Variants in RCAN3 observed in about 807,000 individuals in gnomAD.
RCAN3 encodes the protein regulator of calcineurin 3, also known as calcipressin-3.
In RCAN3, 19 loss-of-function variants were observed where a neutral mutation model predicts 21.9. That is an observed-to-expected ratio of 0.87 (90% CI 0.61 to 1.27). RCAN3 has a LOEUF of 1.27. Among genes scored for constraint, RCAN3 ranks in the 50% most tolerant of loss-of-function variants. The pLI, the probability that RCAN3 is intolerant of heterozygous loss-of-function variation, is 0.00. For synonymous variants in RCAN3, 114 were observed against 112.3 expected (o/e 1.01, Z -0.09); for missense variants, 240 against 300.1 (o/e 0.80, Z 1.48).
At chr1:24,513,581 C>G (rs1012784254) in intron 1 of RCAN3, among the ~76,000 whole-genome samples, 1 of 151,792 alleles carries the variant, frequency 6.6e-6, no homozygotes, top group African/African-American at 2.4e-5. Context: ...CGCTTGAACC[C>G]GGGAGGCGGA....
intron 4 of RCAN3, among the ~76,000 whole-genome samples, 196 bp downstream of exon 4, chr1:24,533,450 T>A (rs1232825581): frequency 6.6e-6 from 1 of 152,230 alleles, no homozygotes; most frequent in African/African-American, 2.4e-5. Context: ...TCTGAGCTTC[T>A]GCTTTTCCAT....
At chr1:24,517,712 G>C (rs1469865323) in intron 2 of RCAN3, among the ~76,000 whole-genome samples, 3 of 152,154 alleles carry the variant, frequency 2.0e-5, no homozygotes, top group African/African-American at 7.2e-5. Flanking sequence ...CAGAATCAAG[G>C]CCAGATATGA....
Position 24,514,348 on chromosome 1 carries a change from A to G in RCAN3, c.-25A>G. On this transcript the variant is annotated 5_prime_UTR_variant, in exon 2 of 5. Coordinates refer to ENST00000374395, the MANE Select transcript of RCAN3 (RefSeq NM_013441.4). The stretch of plus-strand genomic sequence containing the variant: ...GATAGACATCCTAGGACTATACAGA[A>G]GGAAAAGGCCCACTTTGGGGGATAA... 1 of 1,599,284 alleles carries G rather than the reference A, an allele frequency of 6.3e-7. No homozygotes were observed.
intron 1 of RCAN3, among the ~76,000 whole-genome samples, 163 bp from the exon 2 acceptor site, chr1:24,514,151 C>T (rs1268325565): frequency 1.3e-5 from 2 of 152,114 alleles, no homozygotes; most frequent in African/African-American, 4.8e-5. Flanking sequence ...ATTAGCGTAT[C>T]TAGAATTCAC....
intron 4 of RCAN3, among the ~76,000 whole-genome samples, chr1:24,533,481 T>C (rs974148794): frequency 6.6e-6 from 1 of 152,170 alleles, no homozygotes; most frequent in Non-Finnish European, 1.5e-5. Flanking sequence ...GGGAGAATCA[T>C]ATGCACCATT....
intron 2 of RCAN3, among the ~76,000 whole-genome samples, chr1:24,515,463 T>TGTGC (rs1352127219): frequency 4.8e-4 from 72 of 150,120 alleles, no homozygotes; most frequent in African/African-American, 1.6e-3. Context: ...TGTGTGTGTG[T>TGTGC]GCTTTGTTTT....
intron 2 of RCAN3, among the ~76,000 whole-genome samples, chr1:24,515,427 G>GGTGTGTGT (rs67348372): frequency 0.033 from 4,831 of 146,396 alleles, 272 homozygotes; most frequent in African/African-American, 0.11. Flanking sequence ...TAGAAAGAGA[G>GGTGTGTGT]GTGTGTGTGT....
chr1:24,505,052 A>C (rs1647315475), intron 1 of RCAN3, among the ~76,000 whole-genome samples: 1 of 152,150 alleles, frequency 6.6e-6, no homozygotes, highest in Non-Finnish European at 1.5e-5. Flanking sequence ...CACCCGTTTT[A>C]CTTTACTGTC....
intron 1 of RCAN3, among the ~76,000 whole-genome samples, chr1:24,503,624 TC>T (rs1244129851): frequency 1.3e-5 from 2 of 152,240 alleles, no homozygotes; most frequent in African/African-American, 4.8e-5. Flanking sequence ...TCTGCTTCTG[TC>T]CGCCGCCTGG....
Position 24,535,367 on chromosome 1 carries a change from T to C in RCAN3, c.*90T>C, listed in dbSNP as rs1007516271. ...GGCCGATGCGTTGCTGCGAACAGCA[T>C]AGGTGAGACTCTGCCGAGTGAGGTA... On this transcript the variant is annotated 3_prime_UTR_variant, in exon 5 of 5. Transcript: ENST00000374395. 3.6e-6 allele frequency: 5 copies of C among 1,383,466 alleles called. No individual in the cohort carries two copies. The African/African-American group carries it at 6.0e-5, about 17-fold the overall frequency. The allele number at this position is 1,383,466 out of a possible 1,614,324, so 85.7% of individuals were successfully genotyped here.
In RCAN3 at chr1:24,535,417, T is replaced by A; in HGVS notation, c.*140T>A. ...ATAGGTCTTCTCACCACGCCTGTAC[T>A]GCAGACACGGTCGTGTAGAGTAGCA... On this transcript the variant is annotated 3_prime_UTR_variant, in exon 5 of 5. Coordinates refer to ENST00000374395, the MANE Select transcript of RCAN3 (RefSeq NM_013441.4). The A allele has an allele frequency of 1.2e-6, 1 of 838,910 alleles. No homozygotes were observed. Among genetic ancestry groups the A allele is most frequent in the Non-Finnish European group, 1.7e-6 (1 of 593,886 alleles). The allele number at this position is 838,910 out of a possible 1,614,324, so 52.0% of individuals were successfully genotyped here.
chr1:24,514,594 C>CA (rs954809716), intron 2 of RCAN3, 27 bp downstream of exon 2: 3 of 1,594,864 alleles, frequency 1.9e-6, no homozygotes, highest in Non-Finnish European at 2.6e-6. Context: ...CCTTTCCCTA[C>CA]ATTTGTAGCA....
In RCAN3 at chr1:24,535,532, C is replaced by T. The variant is rs1650171427; in HGVS notation, c.*255C>T. 1 of 369,362 alleles carries T rather than the reference C, an allele frequency of 2.7e-6. No individual in the cohort carries two copies. Among genetic ancestry groups the T allele is most frequent in the Admixed American group, 4.7e-5 (1 of 21,488 alleles). 22.9% of individuals were successfully genotyped at this position (369,362 alleles called of 1,614,324 possible). A position where few individuals can be genotyped will look rare whatever the true frequency, so the allele number is the denominator to read the frequency against. On this transcript the variant is annotated 3_prime_UTR_variant, in exon 5 of 5. Transcript: ENST00000374395. ...CCCCCAAGATGTGGCCACCCTTAACCATTTTTAAATAGTAACAAATTAGGA... is the reference window on the plus strand; with the variant it reads ...CCCCCAAGATGTGGCCACCCTTAACTATTTTTAAATAGTAACAAATTAGGA...
rs1650295608 is a variant in RCAN3, at chr1:24,537,523, ACAAGAGATAAGTCT to A, written c.*2249_*2262del. ...AATATCTAGTTCATGTAACAAATTT[ACAAGAGATAAGTCT>A]CATGGTTTTTTTTTTCTTTTAATAG... On this transcript the variant is annotated 3_prime_UTR_variant, in exon 5 of 5. Transcript: ENST00000374395. 1 of 152,122 alleles carries A rather than the reference ACAAGAGATAAGTCT, an allele frequency of 6.6e-6. No homozygotes were observed. Among genetic ancestry groups the A allele is most frequent in the African/African-American group, 2.4e-5 (1 of 41,426 alleles). The allele number at this position is 152,122 out of a possible 1,614,324, so 9.4% of individuals were successfully genotyped here. A position where few individuals can be genotyped will look rare whatever the true frequency, so the allele number is the denominator to read the frequency against.
rs183412075 is a variant in RCAN3 at position 24,508,691 on chromosome 1, G to A, written c.-60+5541G>A. 8.9e-4 allele frequency among the ~76,000 whole-genome samples: 136 copies of A among 152,278 alleles called. 1 individual carries two copies. The highest frequency in any genetic ancestry group is 3.0e-3 in the African/African-American group (125 of 41,546). On this transcript the variant is annotated intron_variant, in intron 1 of 4. Transcript: ENST00000374395. ...CTGGGTTTCAACTACAGGCTTGTTC[G>A]GGGATATCGCGGGTTTCGTTACAGA...
At chr1:24,515,417 TAGAA>T (rs1335344356) in intron 2 of RCAN3, among the ~76,000 whole-genome samples, 1 of 141,636 alleles carries the variant, frequency 7.1e-6, no homozygotes, top group African/African-American at 2.9e-5. Context: ...ATTATTTACC[TAGAA>T]AGAGAGGTGT....
rs67348372 is a variant in RCAN3 at position 24,515,427 on chromosome 1, G to GGTGTGTGTGTGT, written c.195+886_195+897dup. Among the ~76,000 whole-genome samples, 390 of 146,488 alleles carry GGTGTGTGTGTGT rather than the reference G, an allele frequency of 2.7e-3. 4 individuals carry two copies. The highest frequency in any genetic ancestry group is 9.5e-3 in the African/African-American group (374 of 39,570). ...CATTTATTATTTACCTAGAAAGAGA[G>GGTGTGTGTGTGT]GTGTGTGTGTGTGTGTGTGTGTGTG... On this transcript the variant is annotated intron_variant, in intron 2 of 4. Transcript: ENST00000374395.
chr1:24,510,447 C>T (rs1431517213), intron 1 of RCAN3, among the ~76,000 whole-genome samples: 9 of 152,238 alleles, frequency 5.9e-5, no homozygotes, highest in African/African-American at 1.9e-4. Flanking sequence ...CTTGCTGCTT[C>T]GCCTTGCACT....
chr1:24,533,997 A>G (rs1242992366), intron 4 of RCAN3, among the ~76,000 whole-genome samples: 1 of 152,102 alleles, frequency 6.6e-6, no homozygotes, highest in Non-Finnish European at 1.5e-5. Flanking sequence ...ATTGGTGGTG[A>G]TATCATCTCA....
Sources: allele counts gnomAD v4.1 joint callset (sites outside exome capture counted in the v4.1 genomes callset), GRCh38; gene constraint gnomAD v4.1.1; transcripts MANE v1.5; gene names NCBI Gene and HGNC (gene_info 2026-07-23, HGNC 2026-07-21).